AK9: variants seen among roughly 807,000 people sequenced by gnomAD.
AK9 encodes adenylate kinase domain containing 1.
AK9 carries 191 observed loss-of-function variants against 239.6 expected under a neutral mutation model. The ratio of observed to expected loss-of-function variants is 0.80; its 90% CI spans 0.71 to 0.90. The LOEUF (loss-of-function observed/expected upper bound fraction) is 0.90. Among genes scored for constraint, AK9 ranks in the 40% least tolerant of loss-of-function variants. The pLI, the probability that AK9 is intolerant of heterozygous loss-of-function variation, is 0.00. For synonymous variants in AK9, 689 were observed against 721.0 expected (o/e 0.96, Z 0.71); for missense variants, 1,995 against 2,214.7 (o/e 0.90, Z 1.99).
In AK9 at chr6:109,644,634, GTT is replaced by G. The variant is rs765686664; in HGVS notation, c.812_813del (p.Lys271ThrfsTer14). The G allele has an allele frequency of 6.2e-7, 1 of 1,612,088 alleles. No homozygotes were observed. Among genetic ancestry groups the G allele is most frequent in the Non-Finnish European group, 8.5e-7 (1 of 1,179,784 alleles). On this transcript the variant is annotated frameshift_variant, in exon 9 of 41. Transcript: ENST00000424296. LOFTEE classifies it high-confidence loss of function. Reference protein sequence around the residue: ...PQYLIELNGNKPAEELFMIVM... With the variant: ...PQYLIELNGNXPAEELFMIVM... ...CTCACCATAAAGAGCTCCTCTGCTGGTTTATTTCCATTTAGCTCAATGAGATA... is the reference window on the plus strand; with the variant it reads ...CTCACCATAAAGAGCTCCTCTGCTGGTATTTCCATTTAGCTCAATGAGATA...
intron 13 of AK9, among the ~76,000 whole-genome samples, chr6:109,618,566 C>G (rs1013812286): frequency 1.3e-5 from 2 of 152,114 alleles, no homozygotes; most frequent in Non-Finnish European, 2.9e-5. Context: ...CTATGCTACC[C>G]GCTGGGTGAT....
chr6:109,659,516 C>A, intron 6 of AK9, 103 bp from the exon 7 acceptor site: 2 of 1,362,080 alleles, frequency 1.5e-6, no homozygotes, highest in Non-Finnish European at 1.9e-6. Flanking sequence ...CAAAAAATTC[C>A]TTTAAAACCT....
At chr6:109,495,312 T>C (rs1776923171) in intron 39 of AK9, 26 bp downstream of exon 39, 4 of 1,544,706 alleles carry the variant, frequency 2.6e-6, no homozygotes, top group Non-Finnish European at 3.6e-6. Context: ...TTCTAACATA[T>C]ATAACAGAAA....
chr6:109,528,835 G>A (rs775890665), intron 29 of AK9, 176 bp downstream of exon 29: 26 of 1,117,730 alleles, frequency 2.3e-5, no homozygotes, highest in African/African-American at 7.6e-5. Context: ...AAGCCAGAAG[G>A]CAAAGGCTGG....
At chr6:109,623,964 AT>A (rs1562510002) in intron 12 of AK9, among the ~76,000 whole-genome samples, 2 of 151,954 alleles carry the variant, frequency 1.3e-5, no homozygotes, top group African/African-American at 4.8e-5. Context: ...TTTTAAAAAA[AT>A]AATATGCATT....
At position 109,686,531 on chromosome 6, in the gene AK9, G is replaced by A. The variant is rs758834650; in HGVS notation, c.-12+4616C>T. 2.2e-4 allele frequency among the ~76,000 whole-genome samples: 33 copies of A among 152,186 alleles called. 1 individual carries two copies. The highest frequency in any genetic ancestry group is 2.1e-4 in the South Asian group (1 of 4,830). On this transcript the variant is annotated intron_variant, in intron 1 of 40. Coordinates refer to ENST00000424296, the MANE Select transcript of AK9 (RefSeq NM_001145128.3). ...TGAGTGGGGCACACAGCAAGAAAGA[G>A]CTCTGTAGTTTTAGGTTGTAGTACC... is the stretch of plus-strand genomic sequence containing the variant.
At chr6:109,602,402 C>T (rs559203461) in intron 17 of AK9, among the ~76,000 whole-genome samples, 4 of 152,226 alleles carry the variant, frequency 2.6e-5, no homozygotes, top group East Asian at 3.9e-4. Context: ...AATATTGGCC[C>T]CCACTCTCTT....
At chr6:109,596,303 C>T (rs1183349738) in intron 17 of AK9, among the ~76,000 whole-genome samples, 1 of 152,168 alleles carries the variant, frequency 6.6e-6, no homozygotes, top group Non-Finnish European at 1.5e-5. Flanking sequence ...CAATGGCAGG[C>T]ACCAGCACCA....
At chr6:109,618,546 C>T (rs753261665) in intron 13 of AK9, among the ~76,000 whole-genome samples, 1 of 151,972 alleles carries the variant, frequency 6.6e-6, no homozygotes, top group Non-Finnish European at 1.5e-5. Context: ...AATGAGGGAT[C>T]AAGTCTCAGC....
At chr6:109,642,215 T>C (rs1797538200) in intron 9 of AK9, among the ~76,000 whole-genome samples, 2 of 152,160 alleles carry the variant, frequency 1.3e-5, no homozygotes, top group Admixed American at 6.5e-5. Flanking sequence ...TGTGAGAGAA[T>C]AAATATCTGT....
intron 12 of AK9, among the ~76,000 whole-genome samples, chr6:109,625,020 A>G (rs1795346673): frequency 6.6e-6 from 1 of 151,032 alleles, no homozygotes; most frequent in South Asian, 2.1e-4. Context: ...ATTTCAAAGG[A>G]CTCTTTTTGT....
chr6:109,600,756 G>A (rs1188636426), intron 17 of AK9, among the ~76,000 whole-genome samples: 1 of 152,046 alleles, frequency 6.6e-6, no homozygotes, highest in Non-Finnish European at 1.5e-5. Flanking sequence ...CAATTTCAGA[G>A]CCTGTTATTG....
At position 109,686,766 on chromosome 6, in the gene AK9, T is replaced by C. The variant is rs537950964; in HGVS notation, c.-12+4381A>G. The stretch of plus-strand genomic sequence containing the variant: ...CTCTTGGGCTCTGGTAGAGAATGAA[T>C]GCCTGGTCATGGGATATCAAGTGAC... On this transcript the variant is annotated intron_variant, in intron 1 of 40. Coordinates refer to ENST00000424296, the MANE Select transcript of AK9 (RefSeq NM_001145128.3). 3.3e-5 allele frequency among the ~76,000 whole-genome samples: 5 copies of C among 152,322 alleles called. No individual in the cohort carries two copies. In the South Asian group the frequency reaches 1.0e-3, roughly 32 times the overall value.
At chr6:109,505,228 T>C (rs1217095639) in intron 35 of AK9, among the ~76,000 whole-genome samples, 2 of 152,228 alleles carry the variant, frequency 1.3e-5, no homozygotes, top group Non-Finnish European at 2.9e-5. Context: ...CACTGCATTT[T>C]TCTTTGTATA....
At chr6:109,538,813 C>G (rs1322569111) in intron 27 of AK9, among the ~76,000 whole-genome samples, 1 of 152,114 alleles carries the variant, frequency 6.6e-6, no homozygotes, top group African/African-American at 2.4e-5. Flanking sequence ...GTGACAAAAT[C>G]TCTCAGCATT....
At position 109,509,094 on chromosome 6, in the gene AK9, CCATG is replaced by C. The variant is rs954488938; in HGVS notation, c.4481+81_4481+84del. The C allele has an allele frequency of 8.5e-5, 111 of 1,305,716 alleles. 1 individual carries two copies. In the Admixed American group the frequency reaches 1.6e-3, roughly 19 times the overall value. 80.9% of individuals were successfully genotyped at this position (1,305,716 alleles called of 1,614,324 possible). A position where few individuals can be genotyped will look rare whatever the true frequency, so the allele number is the denominator to read the frequency against. Reference sequence around the variant, plus strand: ...ACACCCTTTATAAGAGCTTTAAGCCCCATGTAAGTGTTTTAAATCACGAGCGAGC... The same window carrying C: ...ACACCCTTTATAAGAGCTTTAAGCCCTAAGTGTTTTAAATCACGAGCGAGC... On this transcript the variant is annotated intron_variant, in intron 33 of 40. Coordinates refer to ENST00000424296, the MANE Select transcript of AK9 (RefSeq NM_001145128.3).
At chr6:109,569,763 T>G (rs1372154728) in intron 21 of AK9, among the ~76,000 whole-genome samples, 1 of 152,086 alleles carries the variant, frequency 6.6e-6, no homozygotes, top group African/African-American at 2.4e-5. Context: ...TGGCAATCAT[T>G]AAAAAGTCAG....
At position 109,519,677 on chromosome 6, in the gene AK9, T is replaced by A. The variant is rs115621563; in HGVS notation, c.3634-3035A>T. The stretch of plus-strand genomic sequence containing the variant: ...TAGCTAACTGTGTTTCTATCTGCAG[T>A]CCCAGCTACTTGGAGGCTGAGACAG... On this transcript the variant is annotated intron_variant, in intron 29 of 40. Transcript: ENST00000424296. Among the ~76,000 whole-genome samples the A allele has an allele frequency of 5.9e-3, 888 of 151,156 alleles. 6 individuals carry two copies. Among genetic ancestry groups the A allele is most frequent in the African/African-American group, 0.021 (851 of 41,182 alleles).
At chr6:109,603,948 C>T (rs145238089) in intron 17 of AK9, among the ~76,000 whole-genome samples, 208 of 152,252 alleles carry the variant, frequency 1.4e-3, no homozygotes, top group Admixed American at 5.9e-3. Flanking sequence ...TGGAGTGACC[C>T]GATTTTCCAG....
Sources: allele counts gnomAD v4.1 joint callset (sites outside exome capture counted in the v4.1 genomes callset), GRCh38; gene constraint gnomAD v4.1.1; transcripts MANE v1.5; gene names NCBI Gene and HGNC (gene_info 2026-07-23, HGNC 2026-07-21).